Variants in ST6GALNAC3 observed in about 807,000 individuals in gnomAD.
The protein encoded by ST6GALNAC3 is alpha-N-acetylgalactosaminide alpha-2,6-sialyltransferase 3.
ST6GALNAC3 carries 25 observed loss-of-function variants against 32.7 expected under a neutral mutation model. That is an observed-to-expected ratio of 0.76 (90% CI 0.56 to 1.07). The LOEUF (loss-of-function observed/expected upper bound fraction) is 1.07. ST6GALNAC3 is among the 50% of genes least tolerant of loss of function. The probability of loss-of-function intolerance (pLI) is 0.00; values close to 1 mark genes in which losing one functional copy is unlikely to be tolerated. For missense variants in ST6GALNAC3, 355 were observed against 382.4 expected, an observed-to-expected ratio of 0.93 and a Z score of 0.60; for synonymous variants, 129 against 133.1, an observed-to-expected ratio of 0.97 and a Z score of 0.21.
intron 1 of ST6GALNAC3, among the ~76,000 whole-genome samples, chr1:76,188,542 T>C (rs915905991): frequency 2.0e-5 from 3 of 152,174 alleles, no homozygotes; most frequent in Non-Finnish European, 4.4e-5. Context: ...CCTGGTCAGT[T>C]GACAAGGTAA....
At chr1:76,576,942 G>T in intron 3 of ST6GALNAC3, 1 of 1,291,866 alleles carries the variant, frequency 7.7e-7, no homozygotes, top group South Asian at 1.3e-5. Context: ...AAGAAAGAAA[G>T]AAAGAAACAA....
intron 2 of ST6GALNAC3, among the ~76,000 whole-genome samples, chr1:76,361,977 C>CA (rs386367380): frequency 4.6e-4 from 29 of 63,196 alleles, no homozygotes; most frequent in South Asian, 2.6e-3. Flanking sequence ...GACTCTGTAT[C>CA]AAAAAAAAAA....
intron 1 of ST6GALNAC3, among the ~76,000 whole-genome samples, chr1:76,096,642 A>G (rs1170674599): frequency 6.6e-6 from 1 of 151,612 alleles, no homozygotes; most frequent in East Asian, 1.9e-4. Flanking sequence ...TGCACCAAAC[A>G]ATTAAATAGC....
At position 76,633,528 on chromosome 1, in the gene ST6GALNAC3, C is replaced by T. The variant is rs188730625; in HGVS notation, c.*4722C>T. On this transcript the variant is annotated 3_prime_UTR_variant, in exon 5 of 5. Coordinates refer to ENST00000328299, the MANE Select transcript of ST6GALNAC3 (RefSeq NM_152996.4). ...CTCTTTGTGATTGAGGATGAGCAAG[C>T]CATTGATACACCAAGAGCTGCTGAG... 1 of 152,162 alleles carries T rather than the reference C, an allele frequency of 6.6e-6. No individual in the cohort carries two copies. Among genetic ancestry groups the T allele is most frequent in the Admixed American group, 6.5e-5 (1 of 15,268 alleles). 9.4% of individuals were successfully genotyped at this position (152,162 alleles called of 1,614,324 possible). A position where few individuals can be genotyped will look rare whatever the true frequency, so the allele number is the denominator to read the frequency against.
intron 3 of ST6GALNAC3, among the ~76,000 whole-genome samples, chr1:76,580,311 T>C (rs1304361555): frequency 6.6e-6 from 1 of 152,122 alleles, no homozygotes; most frequent in Non-Finnish European, 1.5e-5. Context: ...CTTCACTCTG[T>C]AGGGGATATG....
chr1:76,257,856 C>T (rs763149233), intron 1 of ST6GALNAC3, among the ~76,000 whole-genome samples: 2 of 152,116 alleles, frequency 1.3e-5, no homozygotes, highest in African/African-American at 2.4e-5. Flanking sequence ...GGTATCTTTA[C>T]ACCCTTAGTT....
intron 1 of ST6GALNAC3, among the ~76,000 whole-genome samples, chr1:76,273,583 AT>A (rs59692962): frequency 2.0e-5 from 3 of 151,274 alleles, no homozygotes; most frequent in African/African-American, 7.3e-5. Flanking sequence ...AATGAAAACC[AT>A]TTTTTTTTGT....
chr1:76,389,580 A>G (rs144912695), intron 2 of ST6GALNAC3, among the ~76,000 whole-genome samples: 7 of 152,350 alleles, frequency 4.6e-5, no homozygotes, highest in Admixed American at 2.6e-4. Context: ...TCCAGAGCTT[A>G]AAATCTGCAC....
chr1:76,394,913 G>A (rs1024257741), intron 2 of ST6GALNAC3, among the ~76,000 whole-genome samples: 1 of 152,114 alleles, frequency 6.6e-6, no homozygotes, highest in South Asian at 2.1e-4. Flanking sequence ...TATTTTCTCT[G>A]TATGAGTGTT....
intron 2 of ST6GALNAC3, among the ~76,000 whole-genome samples, chr1:76,403,324 G>A (rs1372242884): frequency 1.3e-5 from 2 of 152,064 alleles, no homozygotes; most frequent in African/African-American, 4.8e-5. Context: ...GACTTCTAGG[G>A]CTGACTTCAT....
intron 1 of ST6GALNAC3, 162 bp from the exon 2 acceptor site, chr1:76,313,643 G>T: frequency 3.6e-6 from 3 of 832,318 alleles, no homozygotes; most frequent in East Asian, 2.5e-5. Flanking sequence ...AGGACAATTT[G>T]GTCACCAAAT....
intron 3 of ST6GALNAC3, among the ~76,000 whole-genome samples, chr1:76,588,282 A>T (rs1178220231): frequency 6.6e-6 from 1 of 151,948 alleles, no homozygotes; most frequent in East Asian, 1.9e-4. Context: ...TAATGTAGCC[A>T]TATCCAAATA....
chr1:76,285,586 C>G (rs1659731655), intron 1 of ST6GALNAC3, among the ~76,000 whole-genome samples: 1 of 151,818 alleles, frequency 6.6e-6, no homozygotes, highest in African/African-American at 2.4e-5. Flanking sequence ...ATTATATAAA[C>G]TTGCCTTATG....
chr1:76,117,072 C>G (rs1374513229), intron 1 of ST6GALNAC3, among the ~76,000 whole-genome samples: 5 of 152,176 alleles, frequency 3.3e-5, no homozygotes, highest in Middle Eastern at 3.2e-3. Context: ...CAGTATTCCC[C>G]TAAAAAGTTT....
chr1:76,468,803 A>G (rs1261243391), intron 3 of ST6GALNAC3, among the ~76,000 whole-genome samples: 31 of 152,098 alleles, frequency 2.0e-4, no homozygotes. Context: ...AATAGCAAAA[A>G]CTATGAGAAT....
At chr1:76,262,792 C>T (rs1267406989) in intron 1 of ST6GALNAC3, among the ~76,000 whole-genome samples, 1 of 152,092 alleles carries the variant, frequency 6.6e-6, no homozygotes, top group South Asian at 2.1e-4. Flanking sequence ...TGGATCTGTC[C>T]CTGGAGATTG....
chr1:76,189,272 C>G (rs968467798), intron 1 of ST6GALNAC3, among the ~76,000 whole-genome samples: 1 of 152,220 alleles, frequency 6.6e-6, no homozygotes, highest in Non-Finnish European at 1.5e-5. Context: ...AGATTATTGT[C>G]TTACATAAAG....
chr1:76,301,460 C>G (rs1291135374), intron 1 of ST6GALNAC3, among the ~76,000 whole-genome samples: 2 of 152,010 alleles, frequency 1.3e-5, no homozygotes, highest in Admixed American at 1.3e-4. Flanking sequence ...TCTGCCTTTG[C>G]TATTCTAGCA....
intron 2 of ST6GALNAC3, among the ~76,000 whole-genome samples, chr1:76,359,057 T>A (rs1649720515): frequency 6.6e-6 from 1 of 151,864 alleles, no homozygotes; most frequent in Admixed American, 6.6e-5. Flanking sequence ...TTTCTGAGAG[T>A]AGGGTAGGAA....
Sources: gnomAD v4.1 joint callset for allele counts (sites outside exome capture counted in the v4.1 genomes callset) on GRCh38, gnomAD v4.1.1 for gene constraint, MANE v1.5 for transcripts, NCBI Gene and HGNC (gene_info 2026-07-23, HGNC 2026-07-21) for gene names.